The following DNMT1 variants were observed in gnomAD, a reference collection of about 807,000 sequenced individuals.
DNMT1 encodes DNA methyltransferase 1.
In DNMT1, 24 loss-of-function variants were observed where a neutral mutation model predicts 205.3. The observed-to-expected ratio is 0.12, with a 90% CI of 0.08 to 0.16. The LOEUF is 0.16. Ranked by LOEUF, DNMT1 falls within the 10% of genes least tolerant of loss-of-function variation. The pLI is 1.00. For synonymous variants in DNMT1, 817 were observed against 839.8 expected (o/e 0.97, Z 0.47); for missense variants, 1,293 against 2,177.7 (o/e 0.59, Z 8.09).
intron 24 of DNMT1, 30 bp from the exon 25 acceptor site, chr19:10,149,998 A>G: frequency 6.2e-7 from 1 of 1,600,358 alleles, no homozygotes; most frequent in African/African-American, 1.3e-5. Flanking sequence ...TTCATGGAGG[A>G]TCATTCTGAG....
At chr19:10,147,691 G>A (rs1486421698) in intron 27 of DNMT1, among the ~76,000 whole-genome samples, 4 of 152,160 alleles carry the variant, frequency 2.6e-5, no homozygotes, top group Non-Finnish European at 5.9e-5. Flanking sequence ...AGATGCCCCC[G>A]GGGAGCCCTC....
At chr19:10,158,867 C>T (rs935655925) in intron 17 of DNMT1, among the ~76,000 whole-genome samples, 1 of 152,334 alleles carries the variant, frequency 6.6e-6, no homozygotes. Context: ...CCCCGGCCAT[C>T]CCCTCGGCCT....
At chr19:10,155,781 T>A in intron 19 of DNMT1, 72 bp downstream of exon 19, 1 of 1,501,490 alleles carries the variant, frequency 6.7e-7, no homozygotes, top group Non-Finnish European at 9.1e-7. Flanking sequence ...CAGAGCCCCG[T>A]CAGCCCCCAG....
At position 10,136,287 on chromosome 19, in the gene DNMT1, G is replaced by A. The variant is rs761440391; in HGVS notation, c.4490C>T (p.Ala1497Val). 5.0e-6 allele frequency: 8 copies of A among 1,613,678 alleles called. No homozygotes were observed. The African/African-American group carries it at 9.3e-5, about 19-fold the overall frequency. ...ALRGVCSCVEAGKACDPAARQ... is the reference protein window; with the variant it reads ...ALRGVCSCVEVGKACDPAARQ... ...GGCTGCGGGGTCGCAGGCTTTGCCG[G>A]CTGGAAGACAGGACAGTGATGAGGC... Residue 1497 changes from alanine (A) to valine (V), a missense_variant and splice_region_variant, in exon 38 of 41, where the codon GCC (alanine) becomes GTC (valine). Coordinates refer to ENST00000359526, the MANE Select transcript of DNMT1 (RefSeq NM_001130823.3).
At chr19:10,139,581 T>G in intron 34 of DNMT1, 95 bp downstream of exon 34, 1 of 1,536,838 alleles carries the variant, frequency 6.5e-7, no homozygotes. Flanking sequence ...GGCAGGCCTA[T>G]GCCATTGAAC....
rs751166097 is a variant in DNMT1, at chr19:10,138,396, G to T, written c.4115+43C>A. On this transcript the variant is annotated intron_variant, in intron 35 of 40. Coordinates refer to ENST00000359526, the MANE Select transcript of DNMT1 (RefSeq NM_001130823.3). The surrounding 1 kb of genome is among the most constrained non-coding windows in gnomAD (Gnocchi z 4.1). ...ACTCACGGGCCCCATGAGCTACTGA[G>T]GCCTGCTCGGCAGTGTGTGGAGGAG... is the stretch of plus-strand genomic sequence containing the variant. The T allele has an allele frequency of 6.2e-7, 1 of 1,613,236 alleles. No individual in the cohort carries two copies.
chr19:10,142,276 A>G (rs2089615689), intron 29 of DNMT1, 56 bp from the exon 30 acceptor site: 2 of 1,611,468 alleles, frequency 1.2e-6, no homozygotes, highest in Non-Finnish European at 1.7e-6. Flanking sequence ...CTTATGCTGA[A>G]TTAAACAGTA....
intron 1 of DNMT1, among the ~76,000 whole-genome samples, chr19:10,192,192 A>G (rs990245205): frequency 6.6e-6 from 1 of 152,048 alleles, no homozygotes; most frequent in Admixed American, 6.6e-5. Context: ...AGGCTAAGGC[A>G]GGAGGATTGC....
Position 10,154,818 on chromosome 19 carries a change from T to G in DNMT1, c.1645-45A>C. 6.2e-7 allele frequency: 1 copy of G among 1,614,230 alleles called. No homozygotes were observed. The highest frequency in any genetic ancestry group is 8.5e-7 in the Non-Finnish European group (1 of 1,180,042). ...CTCTCATGCTTAAGCCAAACTGGCCTAAATCCAACTGAAGAACAGTGTCTG... is the reference window on the plus strand; with the variant it reads ...CTCTCATGCTTAAGCCAAACTGGCCGAAATCCAACTGAAGAACAGTGTCTG... On this transcript the variant is annotated intron_variant, in intron 20 of 40. Transcript: ENST00000359526. This position sits in a 1 kb window ranked among gnomAD's most constrained non-coding sequence, Gnocchi z 6.3.
At chr19:10,141,659 G>A (rs762802748) in intron 30 of DNMT1, 4 of 333,088 alleles carry the variant, frequency 1.2e-5, no homozygotes, top group Non-Finnish European at 2.3e-5. Context: ...CTGGCCCAAG[G>A]GACCCAGGAG....
At position 10,157,708 on chromosome 19, in the gene DNMT1, C is replaced by T. The variant is rs76454195; in HGVS notation, c.1281-1199G>A. ...TACCTCCTGCGGAGCTCCCCTACTGCGTACCAGGCATGGCAGACAGAATAG... is the reference window on the plus strand; with the variant it reads ...TACCTCCTGCGGAGCTCCCCTACTGTGTACCAGGCATGGCAGACAGAATAG... On this transcript the variant is annotated intron_variant, in intron 17 of 40. Transcript: ENST00000359526. Among the ~76,000 whole-genome samples, 891 of 152,310 alleles carry T rather than the reference C, an allele frequency of 5.8e-3. 19 individuals carry two copies. The highest frequency in any genetic ancestry group is 0.034 in the East Asian group (177 of 5,182).
intron 17 of DNMT1, among the ~76,000 whole-genome samples, chr19:10,158,349 A>G (rs1418846976): frequency 6.6e-6 from 1 of 152,072 alleles, no homozygotes; most frequent in Non-Finnish European, 1.5e-5. Flanking sequence ...GATCCCATAG[A>G]AGGAGAGGGA....
intron 1 of DNMT1, 25 bp downstream of exon 1, chr19:10,194,795 C>T (rs1414130834): frequency 1.2e-6 from 2 of 1,609,264 alleles, no homozygotes; most frequent in South Asian, 2.2e-5. Flanking sequence ...CCCCCTGAGT[C>T]CGTGTTCCCC....
rs1436631668 is a variant in DNMT1 at position 10,139,717 on chromosome 19, G to A, written c.3907C>T (p.Leu1303=). ...GTGCACTGATAGCCCATGCGGACCA[G>A]GCAGCGGAGGGTGAGCTTCAGGACC... ...SMVLKLTLRC[L]VRMGYQCTFG... The change falls in exon 34 of 41, where the codon CTG becomes TTG. Residue 1303 remains leucine, a synonymous_variant. Transcript: ENST00000359526. 1 of 1,613,668 alleles carries A rather than the reference G, an allele frequency of 6.2e-7. No individual in the cohort carries two copies. Among genetic ancestry groups the A allele is most frequent in the Non-Finnish European group, 8.5e-7 (1 of 1,179,944 alleles).
At chr19:10,190,490 C>T (rs867755213) in intron 1 of DNMT1, among the ~76,000 whole-genome samples, 2 of 152,054 alleles carry the variant, frequency 1.3e-5, no homozygotes, top group East Asian at 1.9e-4. Flanking sequence ...AGGCCAGGCA[C>T]GGTGGCTCAT....
Position 10,154,572 on chromosome 19 carries a change from T to C in DNMT1, c.1832+14A>G, listed in dbSNP as rs2114724. The C allele has an allele frequency of 0.5, 814,037 of 1,613,734 alleles. 206,534 individuals carry two copies. The highest frequency in any genetic ancestry group is 0.63 in the East Asian group (28,323 of 44,860). On this transcript the variant is annotated intron_variant, in intron 21 of 40. Coordinates refer to ENST00000359526, the MANE Select transcript of DNMT1 (RefSeq NM_001130823.3). The surrounding 1 kb of genome is among the most constrained non-coding windows in gnomAD (Gnocchi z 6.3). ...GGTCTCCAGTCTTCACTCTGGTCCC[T>C]GCCGCATCCTTACCTCTGTCCCAGC...
intron 39 of DNMT1, 146 bp from the exon 40 acceptor site, chr19:10,134,453 C>T: frequency 1.5e-6 from 1 of 689,416 alleles, no homozygotes; most frequent in South Asian, 1.8e-5. Context: ...TCACATGGGC[C>T]CAAAACCCTT....
At position 10,156,381 on chromosome 19, in the gene DNMT1, T is replaced by C. The variant is rs1448269022; in HGVS notation, c.1399+10A>G. The C allele has an allele frequency of 1.3e-6, 2 of 1,598,560 alleles. No homozygotes were observed. Among genetic ancestry groups the C allele is most frequent in the Non-Finnish European group, 1.7e-6 (2 of 1,167,064 alleles). On this transcript the variant is annotated intron_variant, in intron 18 of 40. Transcript: ENST00000359526. This position sits in a 1 kb window ranked among gnomAD's most constrained non-coding sequence, Gnocchi z 4.2. ...GTGTGCCCCAAACATAATCCCGGAC[T>C]ATTCCTTACCTTCAAGAGATGGGTC...
intron 33 of DNMT1, 66 bp from the exon 34 acceptor site, chr19:10,139,883 G>A: frequency 6.4e-7 from 1 of 1,557,724 alleles, no homozygotes; most frequent in Non-Finnish European, 8.7e-7. Flanking sequence ...GACCCACTGT[G>A]CCGGAAGCCC....
Sources: allele counts gnomAD v4.1 joint callset (sites outside exome capture counted in the v4.1 genomes callset), GRCh38; gene constraint gnomAD v4.1.1; non-coding constraint Gnocchi (gnomAD v3.1); transcripts MANE v1.5; gene names NCBI Gene and HGNC (gene_info 2026-07-23, HGNC 2026-07-21).